Variants in TRAFD1 observed in about 807,000 individuals in gnomAD.
TRAFD1 encodes the protein TRAF-type zinc finger domain-containing protein 1.
Under a neutral mutation model 65.3 loss-of-function variants are expected in TRAFD1, and 38 were observed. The observed-to-expected ratio is 0.58, with a 90% CI of 0.45 to 0.76. The LOEUF is 0.76. Ranked by LOEUF, TRAFD1 falls within the 30% of genes least tolerant of loss-of-function variation. The pLI is 0.00. For missense variants in TRAFD1, 631 were observed against 712.6 expected, an observed-to-expected ratio of 0.89 and a Z score of 1.30; for synonymous variants, 223 against 257.2, an observed-to-expected ratio of 0.87 and a Z score of 1.27.
intron 1 of TRAFD1, among the ~76,000 whole-genome samples, chr12:112,127,869 C>T (rs1307305822): frequency 6.6e-6 from 1 of 151,450 alleles, no homozygotes; most frequent in African/African-American, 2.4e-5. Flanking sequence ...CCACCGCACC[C>T]GGCTGCTTAT....
chr12:112,128,100 C>T (rs1365863689), intron 1 of TRAFD1, among the ~76,000 whole-genome samples: 1 of 152,030 alleles, frequency 6.6e-6, no homozygotes, highest in African/African-American at 2.4e-5. Context: ...TGGCTTACTG[C>T]AACCTCCACC....
Position 112,134,842 on chromosome 12 carries a change from T to A in TRAFD1, c.152T>A (p.Met51Lys), listed in dbSNP as rs2079588395. The A allele has an allele frequency of 6.2e-7, 1 of 1,613,556 alleles. No individual in the cohort carries two copies. The highest frequency in any genetic ancestry group is 8.5e-7 in the Non-Finnish European group (1 of 1,179,564). Reference protein sequence around the residue: ...TCKEPFPKSDMETHMAAEHCQ... With the variant: ...TCKEPFPKSDKETHMAAEHCQ... ...AAGGAACCATTTCCCAAATCTGACA[T>A]GGAGACTCACATGGCTGCAGAACAC... The change falls in exon 3 of 12, where the codon ATG (methionine) becomes AAG (lysine). Residue 51 changes from methionine (M) to lysine (K), a missense_variant. By Grantham distance (95) the Met-to-Lys change is moderately conservative. Transcript: ENST00000412615.
At chr12:112,133,442 T>C (rs986030023) in intron 2 of TRAFD1, 1 of 152,238 alleles carries the variant, frequency 6.6e-6, no homozygotes. Flanking sequence ...TACTTAAAAG[T>C]GAGAGAAAAT....
Position 112,137,351 on chromosome 12 carries a change from T to A in TRAFD1, c.237+2285T>A, listed in dbSNP as rs1237940724. On this transcript the variant is annotated intron_variant, in intron 4 of 11. Coordinates refer to ENST00000412615, the MANE Select transcript of TRAFD1 (RefSeq NM_006700.3). The surrounding 1 kb of genome is among the most constrained non-coding windows in gnomAD (Gnocchi z 4.2). ...CCCTTCAAGGAACCACGTGACAGTT[T>A]GTTCAGTTGAGCACAAGTTCCTTGC... is the stretch of plus-strand genomic sequence containing the variant. Among the ~76,000 whole-genome samples the A allele has an allele frequency of 1.3e-5, 2 of 152,232 alleles. No homozygotes were observed. The highest frequency in any genetic ancestry group is 4.8e-5 in the African/African-American group (2 of 41,456).
At position 112,141,303 on chromosome 12, in the gene TRAFD1, T is replaced by G. The variant is rs1437931087; in HGVS notation, c.643+79T>G. On this transcript the variant is annotated intron_variant, in intron 5 of 11. Coordinates refer to ENST00000412615, the MANE Select transcript of TRAFD1 (RefSeq NM_006700.3). ...ATGGGAACAGGGCTTTGGGGCCAGATAGATCTTGATTATAGAAACCCGACT... is the reference window on the plus strand; with the variant it reads ...ATGGGAACAGGGCTTTGGGGCCAGAGAGATCTTGATTATAGAAACCCGACT... The G allele has an allele frequency of 3.3e-6, 5 of 1,516,408 alleles. No individual in the cohort carries two copies. The Admixed American group carries it at 1.0e-4, about 31-fold the overall frequency. 93.9% of individuals were successfully genotyped at this position (1,516,408 alleles called of 1,614,324 possible).
chr12:112,146,751 C>T (rs1454541652), intron 7 of TRAFD1, among the ~76,000 whole-genome samples: 1 of 152,108 alleles, frequency 6.6e-6, no homozygotes, highest in African/African-American at 2.4e-5. Context: ...AAGTCTGTGC[C>T]CACCTCTCTT....
At position 112,148,073 on chromosome 12, in the gene TRAFD1, G is replaced by T; in HGVS notation, c.928-1G>T. Reference sequence around the variant, plus strand: ...TTTAACCTATATTTTTTGAATGACAGACAAGCTGTAACCCTTCACGTGCCT... The same window carrying T: ...TTTAACCTATATTTTTTGAATGACATACAAGCTGTAACCCTTCACGTGCCT... On this transcript the variant is annotated splice_acceptor_variant, in intron 7 of 11. Transcript: ENST00000412615. LOFTEE classifies it high-confidence loss of function. 1 of 1,608,170 alleles carries T rather than the reference G, an allele frequency of 6.2e-7. No homozygotes were observed. Among genetic ancestry groups the T allele is most frequent in the South Asian group, 1.1e-5 (1 of 90,436 alleles).
At position 112,152,988 on chromosome 12, in the gene TRAFD1, T is replaced by C. The variant is rs186817919; in HGVS notation, c.*197T>C. The stretch of plus-strand genomic sequence containing the variant: ...TTGAGGGAAGGGAGCAGGGTGGCGG[T>C]TGAGGAACGCTTCAGCCTTAGCTGC... On this transcript the variant is annotated 3_prime_UTR_variant, in exon 12 of 12. Transcript: ENST00000412615. This position sits in a 1 kb window ranked among gnomAD's most constrained non-coding sequence, Gnocchi z 5.0. 2 of 578,072 alleles carry C rather than the reference T, an allele frequency of 3.5e-6. No individual in the cohort carries two copies. Among genetic ancestry groups the C allele is most frequent in the Non-Finnish European group, 6.0e-6 (2 of 333,488 alleles). 35.8% of individuals were successfully genotyped at this position (578,072 alleles called of 1,614,324 possible).
rs546723204 is a variant in TRAFD1 at position 112,140,312 on chromosome 12, C to T, written c.238-507C>T. ...GTGTGTGCCTGAAATCCCAGCTACTCAGGAGGCTGAGGCAGGAGAATCGTG... is the reference window on the plus strand; with the variant it reads ...GTGTGTGCCTGAAATCCCAGCTACTTAGGAGGCTGAGGCAGGAGAATCGTG... On this transcript the variant is annotated intron_variant, in intron 4 of 11. Transcript: ENST00000412615. 3.4e-3 allele frequency: 568 copies of T among 167,004 alleles called. 4 individuals carry two copies. The highest frequency in any genetic ancestry group is 0.013 in the African/African-American group (523 of 41,064). 10.3% of individuals were successfully genotyped at this position (167,004 alleles called of 1,614,324 possible). A position where few individuals can be genotyped will look rare whatever the true frequency, so the allele number is the denominator to read the frequency against.
intron 9 of TRAFD1, among the ~76,000 whole-genome samples, chr12:112,150,736 T>A (rs1593873992): frequency 6.6e-6 from 1 of 151,030 alleles, no homozygotes; most frequent in African/African-American, 2.4e-5. Context: ...AATTTTTAAT[T>A]TTTTTTTGTA....
Position 112,149,772 on chromosome 12 carries a change from G to C in TRAFD1, c.1180G>C (p.Ala394Pro), listed in dbSNP as rs747724400. 18 of 1,614,046 alleles carry C rather than the reference G, an allele frequency of 1.1e-5. No homozygotes were observed. The South Asian group carries it at 2.0e-4, about 18-fold the overall frequency. The change falls in exon 9 of 12, where the codon GCC (alanine) becomes CCC (proline). Residue 394 changes from alanine (A) to proline (P), a missense_variant. Physicochemically the swap from Ala to Pro is conservative, Grantham distance 27 (BLOSUM62 -1). Transcript: ENST00000412615. Reference sequence around the variant, plus strand: ...TTAGGACCAGTGTGACCAACGCCCAGCCACTGCAACCAACCATGTGACAGA... The same window carrying C: ...TTAGGACCAGTGTGACCAACGCCCACCCACTGCAACCAACCATGTGACAGA... ...HHQDQCDQRP[A>P]TATNHVTEGI...
At chr12:112,135,175 T>G in intron 4 of TRAFD1, 109 bp downstream of exon 4, 1 of 1,254,084 alleles carries the variant, frequency 8.0e-7, no homozygotes, top group Non-Finnish European at 1.2e-6. Context: ...TGAGCTCACA[T>G]GCATACTGTT....
At position 112,142,086 on chromosome 12, in the gene TRAFD1, C is replaced by G. The variant is rs1456476284; in HGVS notation, c.644-3C>G. ...TGAATGTTGGTTGGTTTTTTTTTTT[C>G]AGTTGAAGAACAAGAGAGGCAGGAA... On this transcript the variant is annotated splice_region_variant and splice_polypyrimidine_tract_variant and intron_variant, in intron 5 of 11. Transcript: ENST00000412615. 1.9e-6 allele frequency: 3 copies of G among 1,584,394 alleles called. No individual in the cohort carries two copies. The Admixed American group carries it at 5.4e-5, about 29-fold the overall frequency.
At chr12:112,135,858 G>T (rs2079597160) in intron 4 of TRAFD1, among the ~76,000 whole-genome samples, 1 of 148,714 alleles carries the variant, frequency 6.7e-6, no homozygotes, top group South Asian at 2.1e-4. Flanking sequence ...TACAGACAGG[G>T]TCGGCTGGGC....
At position 112,137,172 on chromosome 12, in the gene TRAFD1, G is replaced by A. The variant is rs926651309; in HGVS notation, c.237+2106G>A. 1.3e-5 allele frequency among the ~76,000 whole-genome samples: 2 copies of A among 152,134 alleles called. No individual in the cohort carries two copies. Among genetic ancestry groups the A allele is most frequent in the Non-Finnish European group, 2.9e-5 (2 of 68,028 alleles). On this transcript the variant is annotated intron_variant, in intron 4 of 11. Transcript: ENST00000412615. This position sits in a 1 kb window ranked among gnomAD's most constrained non-coding sequence, Gnocchi z 4.2. ...TGGGAGGTGGAGGTTGCAGTGAGCC[G>A]AGATCGTGCCATTGCACTCCAGCCT... is the stretch of plus-strand genomic sequence containing the variant.
intron 2 of TRAFD1, among the ~76,000 whole-genome samples, chr12:112,133,648 A>G (rs140901066): frequency 6.6e-6 from 1 of 151,776 alleles, no homozygotes; most frequent in Non-Finnish European, 1.5e-5. Flanking sequence ...TTTTAGATGT[A>G]GTAGTGCATA....
At position 112,130,093 on chromosome 12, in the gene TRAFD1, G is replaced by T. The variant is rs2079560168; in HGVS notation, c.-12-418G>T. Among the ~76,000 whole-genome samples, 1 of 151,420 alleles carries T rather than the reference G, an allele frequency of 6.6e-6. No homozygotes were observed. Among genetic ancestry groups the T allele is most frequent in the Non-Finnish European group, 1.5e-5 (1 of 67,870 alleles). ...TCCTCCTGCCTCGGCCTCTCGAGTAGCTGGGACTACAGGCACACATCACCA... is the reference window on the plus strand; with the variant it reads ...TCCTCCTGCCTCGGCCTCTCGAGTATCTGGGACTACAGGCACACATCACCA... On this transcript the variant is annotated intron_variant, in intron 1 of 11. Transcript: ENST00000412615. This position sits in a 1 kb window ranked among gnomAD's most constrained non-coding sequence, Gnocchi z 4.4.
chr12:112,135,555 T>A (rs2079594487), intron 4 of TRAFD1, among the ~76,000 whole-genome samples: 1 of 152,096 alleles, frequency 6.6e-6, no homozygotes. Context: ...TGCCTCGGCC[T>A]CCTGAGTAGC....
At chr12:112,126,434 G>A (rs1807861524) in intron 1 of TRAFD1, among the ~76,000 whole-genome samples, 1 of 152,138 alleles carries the variant, frequency 6.6e-6, no homozygotes, top group South Asian at 2.1e-4. Flanking sequence ...TCCTCTGCCT[G>A]AAGAATCTGA....
Sources: allele counts gnomAD v4.1 joint callset (sites outside exome capture counted in the v4.1 genomes callset), GRCh38; gene constraint gnomAD v4.1.1; non-coding constraint Gnocchi (gnomAD v3.1); transcripts MANE v1.5; gene names NCBI Gene and HGNC (gene_info 2026-07-23, HGNC 2026-07-21).